The following RAI1 variants were observed in gnomAD, a reference collection of about 807,000 sequenced individuals.
RAI1 encodes the protein retinoic acid induced 1.
Under a neutral mutation model 123.8 loss-of-function variants are expected in RAI1, and 9 were observed. The observed-to-expected ratio is 0.07, with a 90% CI of 0.04 to 0.13. RAI1 has a LOEUF of 0.13. Among genes scored for constraint, RAI1 ranks in the 10% least tolerant of loss-of-function variants. RAI1 has a pLI of 1.00. For synonymous variants in RAI1, 1,231 were observed against 1,127.3 expected (o/e 1.09, Z -1.84); for missense variants, 2,256 against 2,545.8 (o/e 0.89, Z 2.45).
At chr17:17,804,604 G>A (rs2032560571) in intron 4 of RAI1, among the ~76,000 whole-genome samples, 1 of 152,062 alleles carries the variant, frequency 6.6e-6, no homozygotes, top group South Asian at 2.1e-4. Flanking sequence ...ACAATATTTT[G>A]GGAGATATGG....
At chr17:17,788,418 T>G (rs912886983) in intron 2 of RAI1, among the ~76,000 whole-genome samples, 4 of 152,002 alleles carry the variant, frequency 2.6e-5, no homozygotes, top group Admixed American at 1.3e-4. Context: ...TGGCGAACGA[T>G]TTCTCATTTT....
chr17:17,721,819 C>T (rs938472356), intron 1 of RAI1, among the ~76,000 whole-genome samples: 2 of 152,076 alleles, frequency 1.3e-5, no homozygotes, highest in African/African-American at 2.4e-5. Flanking sequence ...TGGGGAGCCC[C>T]GAGTGGGGCG....
chr17:17,756,255 T>C (rs2030434285), intron 2 of RAI1, among the ~76,000 whole-genome samples: 1 of 151,492 alleles, frequency 6.6e-6, no homozygotes, highest in Non-Finnish European at 1.5e-5. Flanking sequence ...TGGAGTGCAA[T>C]GGTGTGATCT....
At chr17:17,744,661 G>A (rs971754626) in intron 2 of RAI1, among the ~76,000 whole-genome samples, 4 of 151,752 alleles carry the variant, frequency 2.6e-5, no homozygotes, top group African/African-American at 4.8e-5. Context: ...GTGATGGTGC[G>A]CACCTGTAAT....
intron 4 of RAI1, among the ~76,000 whole-genome samples, chr17:17,808,672 C>T (rs1247080665): frequency 2.0e-5 from 3 of 152,080 alleles, no homozygotes; most frequent in African/African-American, 7.2e-5. Flanking sequence ...GTCTTGAACT[C>T]CTGGGCTCAA....
intron 1 of RAI1, among the ~76,000 whole-genome samples, chr17:17,713,264 T>G (rs1915618225): frequency 6.6e-6 from 1 of 152,116 alleles, no homozygotes; most frequent in South Asian, 2.1e-4. Context: ...CCCCACTGCT[T>G]GGGAGGCCAA....
At chr17:17,681,932 TG>T (rs148871431) in intron 1 of RAI1, 139 bp downstream of exon 1, 23,215 of 225,938 alleles carry the variant, frequency 0.1, 1,593 homozygotes, top group East Asian at 0.28. Context: ...GGTGGAGATG[TG>T]GGGTCCGCGG....
At chr17:17,767,769 A>G (rs1182403456) in intron 2 of RAI1, among the ~76,000 whole-genome samples, 1 of 152,140 alleles carries the variant, frequency 6.6e-6, no homozygotes, top group African/African-American at 2.4e-5. Flanking sequence ...CAAGAGTCTC[A>G]GTGTTTTCCT....
At chr17:17,753,716 G>A (rs2142987210) in intron 2 of RAI1, among the ~76,000 whole-genome samples, 1 of 152,258 alleles carries the variant, frequency 6.6e-6, no homozygotes, top group South Asian at 2.1e-4. Flanking sequence ...GCCTGTGTGT[G>A]GTTTTGATAC....
At chr17:17,695,748 C>A (rs1915009131) in intron 1 of RAI1, among the ~76,000 whole-genome samples, 1 of 152,156 alleles carries the variant, frequency 6.6e-6, no homozygotes, top group African/African-American at 2.4e-5. Flanking sequence ...TTCCAAACTC[C>A]TGACCTCAAG....
chr17:17,784,189 G>T (rs1054038015), intron 2 of RAI1, among the ~76,000 whole-genome samples: 7 of 152,176 alleles, frequency 4.6e-5, no homozygotes, highest in Non-Finnish European at 1.0e-4. Flanking sequence ...ACTGGGGGGA[G>T]GGAGGGGGTG....
At position 17,796,644 on chromosome 17, in the gene RAI1, C is replaced by T. The variant is rs1280752947; in HGVS notation, c.3696C>T (p.Val1232=). 2 of 1,612,022 alleles carry T rather than the reference C, an allele frequency of 1.2e-6. No individual in the cohort carries two copies. The highest frequency in any genetic ancestry group is 2.2e-5 in the East Asian group (1 of 44,854). The part of the protein sequence containing the change: ...LKRKSAFMAP[V]PTKKRNLVLR... ...GGAAGTCGGCCTTCATGGCGCCGGTCCCCACCAAGAAGCGGAACCTGGTCT... is the reference window on the plus strand; with the variant it reads ...GGAAGTCGGCCTTCATGGCGCCGGTTCCCACCAAGAAGCGGAACCTGGTCT... Residue 1232 remains valine, a synonymous_variant, in exon 3 of 6, where the codon GTC becomes GTT. Transcript: ENST00000353383. This position sits in a 1 kb window ranked among gnomAD's most constrained non-coding sequence, Gnocchi z 5.8.
intron 4 of RAI1, among the ~76,000 whole-genome samples, chr17:17,805,105 C>T (rs1163783425): frequency 1.3e-5 from 2 of 152,148 alleles, no homozygotes; most frequent in African/African-American, 4.8e-5. Context: ...TCGTGATCCG[C>T]CCGCCTCAGC....
At chr17:17,695,289 T>C (rs1271628192) in intron 1 of RAI1, among the ~76,000 whole-genome samples, 1 of 152,130 alleles carries the variant, frequency 6.6e-6, no homozygotes, top group Non-Finnish European at 1.5e-5. Flanking sequence ...GCCTGGACCC[T>C]GCAACCTCGG....
intron 2 of RAI1, among the ~76,000 whole-genome samples, chr17:17,781,651 T>G (rs974382679): frequency 6.6e-6 from 1 of 152,206 alleles, no homozygotes; most frequent in Non-Finnish European, 1.5e-5. Context: ...AGCACTAAAC[T>G]GCCTTCGGGG....
chr17:17,782,763 C>T (rs571531330), intron 2 of RAI1, among the ~76,000 whole-genome samples: 2 of 152,152 alleles, frequency 1.3e-5, no homozygotes, highest in South Asian at 4.1e-4. Context: ...CCGGGCGCAC[C>T]TCTCCGTCAG....
intron 2 of RAI1, among the ~76,000 whole-genome samples, chr17:17,748,708 G>A (rs952766657): frequency 2.0e-5 from 3 of 152,202 alleles, no homozygotes; most frequent in South Asian, 2.1e-4. Context: ...AACAGTGTAC[G>A]CACGCGTATG....
chr17:17,789,241 G>T (rs945857189), intron 2 of RAI1, among the ~76,000 whole-genome samples: 10 of 152,228 alleles, frequency 6.6e-5, no homozygotes, highest in African/African-American at 2.4e-4. Context: ...CTTCCCTGCG[G>T]GTGGGCTCTG....
At chr17:17,803,665 C>A in intron 3 of RAI1, 91 bp from the exon 4 acceptor site, 1 of 1,205,468 alleles carries the variant, frequency 8.3e-7, no homozygotes, top group Non-Finnish European at 1.2e-6. Flanking sequence ...GGATTACAGG[C>A]ATGAGCCACT....
Sources: allele counts gnomAD v4.1 joint callset (sites outside exome capture counted in the v4.1 genomes callset), GRCh38; gene constraint gnomAD v4.1.1; non-coding constraint Gnocchi (gnomAD v3.1); transcripts MANE v1.5; gene names NCBI Gene and HGNC (gene_info 2026-07-23, HGNC 2026-07-21).